The following DMD variants were observed in gnomAD, a reference collection of about 807,000 sequenced individuals.
DMD encodes the protein mutant dystrophin.
DMD carries 63 observed loss-of-function variants against 330.1 expected under a neutral mutation model. The ratio of observed to expected loss-of-function variants is 0.19; its 90% CI spans 0.16 to 0.24. DMD has a LOEUF of 0.24. DMD is among the 10% of genes least tolerant of loss of function. DMD has a pLI of 1.00. For missense variants in DMD, 3,344 were observed against 2,684.1 expected, an observed-to-expected ratio of 1.25 and a Z score of -5.43; for synonymous variants, 1,223 against 959.8, an observed-to-expected ratio of 1.27 and a Z score of -5.07.
chrX:31,788,890 C>T lies in DMD; in HGVS notation c.7310-14698G>A, dbSNP rs753746788. ...TTGTCTAATAGAAGTATGGCTATCCCCATTCTCTTTTGGTTTCCATTTGCA... is the reference window on the plus strand; with the variant it reads ...TTGTCTAATAGAAGTATGGCTATCCTCATTCTCTTTTGGTTTCCATTTGCA... On this transcript the variant is annotated intron_variant, in intron 50 of 78. Coordinates refer to ENST00000357033, the MANE Select transcript of DMD (RefSeq NM_004006.3). 1.6e-3 allele frequency among the ~76,000 whole-genome samples: 180 copies of T among 110,412 alleles called. 1 individual carries two copies. Among genetic ancestry groups the T allele is most frequent in the African/African-American group, 5.6e-3 (172 of 30,462 alleles).
intron 55 of DMD, among the ~76,000 whole-genome samples, chrX:31,585,626 T>A (rs1328407214): frequency 3.6e-5 from 4 of 110,539 alleles, no homozygotes; most frequent in Non-Finnish European, 5.7e-5. Flanking sequence ...CTGTTGGTGA[T>A]AATTTTGCCC....
intron 1 of DMD, among the ~76,000 whole-genome samples, chrX:33,145,746 C>T (rs1373005856): frequency 1.8e-5 from 2 of 109,720 alleles, no homozygotes; most frequent in Non-Finnish European, 1.9e-5. Flanking sequence ...ACCGGTCTCT[C>T]ATCCTTCTCA....
chrX:32,777,283 G>GGGGGGGGGGTT, intron 7 of DMD, among the ~76,000 whole-genome samples: 1 of 52,241 alleles, frequency 1.9e-5, no homozygotes, highest in Non-Finnish European at 3.8e-5. Flanking sequence ...TGGTTGGGGG[G>GGGGGGGGGGTT]GGAATCCTAC....
chrX:31,421,721 T>C (rs2063370551), intron 60 of DMD, among the ~76,000 whole-genome samples: 2 of 109,094 alleles, frequency 1.8e-5, no homozygotes, highest in African/African-American at 6.7e-5. Context: ...CGTTGAATTG[T>C]GTCTGATTTC....
At chrX:31,744,705 G>T (rs1603458504) in intron 51 of DMD, among the ~76,000 whole-genome samples, 1 of 112,162 alleles carries the variant, frequency 8.9e-6, no homozygotes, top group African/African-American at 3.2e-5. Context: ...AGTTTGCCTG[G>T]TACATACTCC....
rs1491376800 is a variant in DMD at position 32,088,678 on chromosome X, G to GTGTGTGTA, written c.6439-120165_6439-120164insTACACACA. On this transcript the variant is annotated intron_variant, in intron 44 of 78. Coordinates refer to ENST00000357033, the MANE Select transcript of DMD (RefSeq NM_004006.3). ...ATATTTAAATGAAAATAGCTCTGAAGTGTGTGTGTGTGTGTGTGTGTGTGT... is the reference window on the plus strand; with the variant it reads ...ATATTTAAATGAAAATAGCTCTGAAGTGTGTGTATGTGTGTGTGTGTGTGTGTGTGTGT... 1.5e-4 allele frequency among the ~76,000 whole-genome samples: 3 copies of GTGTGTGTA among 19,662 alleles called. No homozygotes were observed. The African/African-American group carries it at 2.1e-3, about 14-fold the overall frequency. 17.1% of individuals were successfully genotyped at this position (19,662 alleles called of 115,157 possible).
At chrX:32,663,367 TTGTC>T (rs2061075301) in intron 9 of DMD, among the ~76,000 whole-genome samples, 1 of 112,063 alleles carries the variant, frequency 8.9e-6, no homozygotes, top group African/African-American at 3.2e-5. Flanking sequence ...AAACTTATCT[TTGTC>T]TAGCCTATCT....
At chrX:33,206,330 TGAAA>T (rs1056663289) in intron 1 of DMD, among the ~76,000 whole-genome samples, 5 of 111,860 alleles carry the variant, frequency 4.5e-5, no homozygotes, top group Non-Finnish European at 7.5e-5. Flanking sequence ...TTAAAAATTC[TGAAA>T]GAGTCATTTA....
At chrX:31,505,969 T>C (rs1487346335) in intron 56 of DMD, among the ~76,000 whole-genome samples, 1 of 111,541 alleles carries the variant, frequency 9.0e-6, no homozygotes, top group Non-Finnish European at 1.9e-5. Flanking sequence ...ATCTTCCACT[T>C]GCTAAGTGAC....
At chrX:31,944,563 T>C (rs2095058437) in intron 45 of DMD, among the ~76,000 whole-genome samples, 1 of 107,195 alleles carries the variant, frequency 9.3e-6, no homozygotes, top group Admixed American at 9.9e-5. Context: ...CTGCAACCTC[T>C]GCCTCCCGGG....
At chrX:31,271,225 C>G (rs996907159) in intron 62 of DMD, among the ~76,000 whole-genome samples, 29 of 111,381 alleles carry the variant, frequency 2.6e-4, no homozygotes, top group Admixed American at 1.3e-3. Flanking sequence ...TGAATCCAGT[C>G]TTGAACATAA....
chrX:32,519,587 C>A (rs1231399226), intron 17 of DMD, among the ~76,000 whole-genome samples: 1 of 111,530 alleles, frequency 9.0e-6, no homozygotes, highest in Non-Finnish European at 1.9e-5. Flanking sequence ...ATTGATATAG[C>A]CCATGATTTC....
chrX:33,284,309 T>C (rs1192474988), intron 1 of DMD, among the ~76,000 whole-genome samples: 1 of 111,076 alleles, frequency 9.0e-6, no homozygotes, highest in Non-Finnish European at 1.9e-5. Context: ...GGTTTGAATA[T>C]AAAAAGATGA....
intron 2 of DMD, among the ~76,000 whole-genome samples, chrX:32,890,419 G>A (rs1477049980): frequency 9.9e-6 from 1 of 101,069 alleles, no homozygotes; most frequent in Non-Finnish European, 2.0e-5. Flanking sequence ...GACAGGAGCT[G>A]TAGATATTAA....
intron 74 of DMD, among the ~76,000 whole-genome samples, chrX:31,158,068 G>A (rs888059864): frequency 3.6e-5 from 4 of 111,055 alleles, no homozygotes; most frequent in African/African-American, 9.8e-5. Flanking sequence ...GCCTGCCAAA[G>A]TGTTGGGTTT....
chrX:31,158,536 C>T (rs1055869716), intron 74 of DMD, among the ~76,000 whole-genome samples: 4 of 110,936 alleles, frequency 3.6e-5, no homozygotes, highest in African/African-American at 1.3e-4. Flanking sequence ...TAAAATTGTG[C>T]GCTGATGGTT....
chrX:32,745,038 T>A (rs2069799158), intron 7 of DMD, among the ~76,000 whole-genome samples: 1 of 111,791 alleles, frequency 8.9e-6, no homozygotes, highest in East Asian at 2.8e-4. Context: ...AGGATGTGAG[T>A]TTGAGATGTA....
In DMD at chrX:31,203,948, G is replaced by A; in HGVS notation, c.9807+13C>T. 2 of 1,192,290 alleles carry A rather than the reference G, an allele frequency of 1.7e-6. No homozygotes were observed. ...AAAGAATAAATATGTTACCTAGAAGGTGAATAACTTACAAATTGGAAGCAG... is the reference window on the plus strand; with the variant it reads ...AAAGAATAAATATGTTACCTAGAAGATGAATAACTTACAAATTGGAAGCAG... On this transcript the variant is annotated intron_variant, in intron 67 of 78. Transcript: ENST00000357033.
intron 56 of DMD, among the ~76,000 whole-genome samples, chrX:31,503,825 G>C (rs1369995266): frequency 9.1e-6 from 1 of 110,450 alleles, no homozygotes; most frequent in Non-Finnish European, 1.9e-5. Flanking sequence ...ATCTATGTTG[G>C]GGAGTAACAG....
Sources: gnomAD v4.1 joint callset for allele counts (sites outside exome capture counted in the v4.1 genomes callset) on GRCh38, gnomAD v4.1.1 for gene constraint, MANE v1.5 for transcripts, NCBI Gene and HGNC (gene_info 2026-07-23, HGNC 2026-07-21) for gene names.